DPP10: variants seen among roughly 807,000 people sequenced by gnomAD.
DPP10 encodes the protein dipeptidyl peptidase like 10.
In DPP10, 33 loss-of-function variants were observed where a neutral mutation model predicts 120.9. The ratio of observed to expected loss-of-function variants is 0.27; its 90% CI spans 0.21 to 0.37. DPP10 has a LOEUF of 0.37. Ranked by LOEUF, DPP10 falls within the 10% of genes least tolerant of loss-of-function variation. The probability of loss-of-function intolerance (pLI) is 1.00; values close to 1 mark genes in which losing one functional copy is unlikely to be tolerated. For synonymous variants in DPP10, 337 were observed against 326.1 expected (o/e 1.03, Z -0.36); for missense variants, 816 against 942.8 (o/e 0.87, Z 1.76).
intron 3 of DPP10, among the ~76,000 whole-genome samples, chr2:115,372,175 G>C (rs1218673859): frequency 6.6e-6 from 1 of 151,972 alleles, no homozygotes; most frequent in Non-Finnish European, 1.5e-5. Flanking sequence ...AGGGATATAA[G>C]TCAAAGAAAT....
chr2:115,529,080 G>A (rs902324712), intron 5 of DPP10, among the ~76,000 whole-genome samples: 3 of 152,050 alleles, frequency 2.0e-5, no homozygotes, highest in South Asian at 2.1e-4. Context: ...TATTATAATG[G>A]CATGTAAAAA....
chr2:115,437,311 C>T (rs967359887), intron 3 of DPP10, among the ~76,000 whole-genome samples: 29 of 152,120 alleles, frequency 1.9e-4, no homozygotes, highest in African/African-American at 3.1e-4. Context: ...TAACCTCTTA[C>T]GTAAGTTTTC....
At chr2:115,201,303 A>C (rs2055696370) in intron 1 of DPP10, among the ~76,000 whole-genome samples, 1 of 152,042 alleles carries the variant, frequency 6.6e-6, no homozygotes, top group South Asian at 2.1e-4. Context: ...TCTGTACTAA[A>C]AATACAAAAA....
At chr2:114,973,672 A>AAAAAAAG (rs1699552104) in intron 1 of DPP10, among the ~76,000 whole-genome samples, 1 of 150,770 alleles carries the variant, frequency 6.6e-6, no homozygotes, top group Non-Finnish European at 1.5e-5. Context: ...AAAAAAAAAA[A>AAAAAAAG]AAAAAAAAAA....
chr2:115,352,032 T>G (rs1281531491), intron 3 of DPP10, among the ~76,000 whole-genome samples: 5 of 152,038 alleles, frequency 3.3e-5, no homozygotes, highest in African/African-American at 1.2e-4. Context: ...TGACAATACT[T>G]AAACTAAACA....
intron 1 of DPP10, among the ~76,000 whole-genome samples, chr2:114,919,012 T>A (rs1400042570): frequency 8.0e-6 from 1 of 124,728 alleles, no homozygotes; most frequent in South Asian, 2.6e-4. Context: ...TTGAAAAAAT[T>A]AAAATATATT....
chr2:114,934,634 G>A (rs1472586435), intron 1 of DPP10, among the ~76,000 whole-genome samples: 1 of 151,980 alleles, frequency 6.6e-6, no homozygotes, highest in South Asian at 2.1e-4. Context: ...GTGTGTGTGT[G>A]TGTGTATGTG....
At chr2:115,182,185 G>A (rs2054126283) in intron 1 of DPP10, among the ~76,000 whole-genome samples, 1 of 152,144 alleles carries the variant, frequency 6.6e-6, no homozygotes, top group African/African-American at 2.4e-5. Context: ...TCGCTTCAGG[G>A]AAATTATGAC....
At chr2:114,667,600 C>G (rs1698025025) in intron 1 of DPP10, among the ~76,000 whole-genome samples, 1 of 152,146 alleles carries the variant, frequency 6.6e-6, no homozygotes, top group Non-Finnish European at 1.5e-5. Flanking sequence ...CTACAGAATC[C>G]TTGAGATCCT....
chr2:114,909,369 GA>G (rs1189697494), intron 1 of DPP10, among the ~76,000 whole-genome samples: 1 of 151,996 alleles, frequency 6.6e-6, no homozygotes, highest in Non-Finnish European at 1.5e-5. Context: ...AGAGAAAGCA[GA>G]AAAATCCTCA....
chr2:115,512,654 G>C (rs1389554979), intron 4 of DPP10, among the ~76,000 whole-genome samples: 1 of 151,512 alleles, frequency 6.6e-6, no homozygotes, highest in Non-Finnish European at 1.5e-5. Context: ...TGATTCATTG[G>C]TTATTTAGGT....
chr2:115,749,884 A>G (rs893050004), intron 10 of DPP10: 3 of 619,766 alleles, frequency 4.8e-6, no homozygotes, highest in South Asian at 7.1e-5. Flanking sequence ...CCTCCATTCC[A>G]CATAACCTTG....
intron 1 of DPP10, among the ~76,000 whole-genome samples, chr2:114,817,391 G>C (rs534310372): frequency 1.3e-5 from 2 of 152,254 alleles, no homozygotes; most frequent in East Asian, 3.9e-4. Context: ...GTGAGGATGA[G>C]GCTAAAGAAA....
chr2:115,475,221 C>G (rs796199165), intron 3 of DPP10, among the ~76,000 whole-genome samples: 2 of 152,296 alleles, frequency 1.3e-5, no homozygotes, highest in African/African-American at 4.8e-5. Context: ...TCCAGGGCCC[C>G]ACGGACCTGT....
rs1357648365 is a variant in DPP10 at position 115,845,097 on chromosome 2, T to G, written c.*2752T>G. The G allele has an allele frequency of 6.6e-6, 1 of 152,162 alleles. No individual in the cohort carries two copies. The highest frequency in any genetic ancestry group is 2.4e-5 in the African/African-American group (1 of 41,428). 9.4% of individuals were successfully genotyped at this position (152,162 alleles called of 1,614,324 possible). ...AATGAGGTGACTTAGACATTGGGCT[T>G]TACCATATTAGAGAATTACTTAAGC... On this transcript the variant is annotated 3_prime_UTR_variant, in exon 26 of 26. Coordinates refer to ENST00000410059, the MANE Select transcript of DPP10 (RefSeq NM_020868.6).
chr2:114,777,097 T>C (rs1454685686), intron 1 of DPP10, among the ~76,000 whole-genome samples: 1 of 152,202 alleles, frequency 6.6e-6, no homozygotes, highest in East Asian at 1.9e-4. Flanking sequence ...GCTTTACATA[T>C]GTTAAGACTT....
At chr2:114,802,963 T>G (rs979167936) in intron 1 of DPP10, among the ~76,000 whole-genome samples, 1 of 152,196 alleles carries the variant, frequency 6.6e-6, no homozygotes, top group African/African-American at 2.4e-5. Flanking sequence ...CTGGATTTTT[T>G]TCAGGAGTCA....
intron 19 of DPP10, among the ~76,000 whole-genome samples, chr2:115,798,951 G>A (rs908671414): frequency 6.6e-6 from 1 of 151,864 alleles, no homozygotes; most frequent in African/African-American, 2.4e-5. Context: ...CCATGTCTTT[G>A]TAGCCTGTAT....
intron 1 of DPP10, among the ~76,000 whole-genome samples, chr2:115,307,469 A>T (rs2061404992): frequency 6.6e-6 from 1 of 152,220 alleles, no homozygotes; most frequent in African/African-American, 2.4e-5. Flanking sequence ...AAACAATAAT[A>T]TGTGCTTGCT....
Sources: allele counts gnomAD v4.1 joint callset (sites outside exome capture counted in the v4.1 genomes callset), GRCh38; gene constraint gnomAD v4.1.1; transcripts MANE v1.5; gene names NCBI Gene and HGNC (gene_info 2026-07-23, HGNC 2026-07-21).